AGAP1: variants seen among roughly 807,000 people sequenced by gnomAD.
AGAP1 encodes arf-GAP with GTPase, ANK repeat and PH domain-containing protein 1.
AGAP1 carries 29 observed loss-of-function variants against 105.3 expected under a neutral mutation model. The observed-to-expected ratio is 0.28, with a 90% CI of 0.21 to 0.38. The LOEUF (loss-of-function observed/expected upper bound fraction) is 0.38. Ranked by LOEUF, AGAP1 falls within the 10% of genes least tolerant of loss-of-function variation. The pLI, the probability that AGAP1 is intolerant of heterozygous loss-of-function variation, is 1.00. For synonymous variants in AGAP1, 509 were observed against 485.9 expected, an observed-to-expected ratio of 1.05 and a Z score of -0.63; for missense variants, 998 against 1,165.1, an observed-to-expected ratio of 0.86 and a Z score of 2.09.
chr2:235,791,826 T>C (rs925966164), intron 6 of AGAP1, among the ~76,000 whole-genome samples: 1 of 152,184 alleles, frequency 6.6e-6, no homozygotes, highest in African/African-American at 2.4e-5. Flanking sequence ...GGATTACAGG[T>C]GTGAGCCAGC....
At chr2:235,815,179 C>G (rs1958381604) in intron 9 of AGAP1, among the ~76,000 whole-genome samples, 1 of 152,190 alleles carries the variant, frequency 6.6e-6, no homozygotes, top group Non-Finnish European at 1.5e-5. Flanking sequence ...CCACACAGCG[C>G]ATGAGTCCCC....
chr2:235,952,183 A>G (rs2053765739), intron 12 of AGAP1, among the ~76,000 whole-genome samples: 1 of 152,096 alleles, frequency 6.6e-6, no homozygotes, highest in Non-Finnish European at 1.5e-5. Context: ...ATGGGCTGAT[A>G]ATATCTAGTT....
At chr2:235,645,966 T>G (rs1289207460) in intron 1 of AGAP1, among the ~76,000 whole-genome samples, 1 of 152,148 alleles carries the variant, frequency 6.6e-6, no homozygotes, top group East Asian at 1.9e-4. Context: ...TCTATCAAGC[T>G]TCTTGGTTGA....
At chr2:235,644,896 CT>C (rs74548435) in intron 1 of AGAP1, among the ~76,000 whole-genome samples, 403 of 143,406 alleles carry the variant, frequency 2.8e-3, no homozygotes, top group Middle Eastern at 3.5e-3. Context: ...AGGTGTAAGA[CT>C]TTTTTTTTTT....
At position 235,582,035 on chromosome 2, in the gene AGAP1, G is replaced by C. The variant is rs949653519; in HGVS notation, c.163+87186G>C. Among the ~76,000 whole-genome samples, 1 of 152,134 alleles carries C rather than the reference G, an allele frequency of 6.6e-6. No homozygotes were observed. Among genetic ancestry groups the C allele is most frequent in the Non-Finnish European group, 1.5e-5 (1 of 68,034 alleles). On this transcript the variant is annotated intron_variant, in intron 1 of 17. Transcript: ENST00000304032. The surrounding 1 kb of genome is among the most constrained non-coding windows in gnomAD (Gnocchi z 4.7). ...TTCAGCAACCCAACATATTAACGCA[G>C]TCTTTAGGAGACATGAAATGTTCCT...
intron 11 of AGAP1, among the ~76,000 whole-genome samples, chr2:235,909,480 GCCCAGTTGCAAGCCATC>G (rs2125044903): frequency 6.6e-6 from 1 of 152,122 alleles, no homozygotes; most frequent in East Asian, 1.9e-4. Flanking sequence ...TGGCCTCTGT[GCCCAGTTGCAAGCCATC>G]CAAAATGACA....
chr2:236,018,099 A>C (rs1219018682), intron 13 of AGAP1, among the ~76,000 whole-genome samples: 1 of 152,236 alleles, frequency 6.6e-6, no homozygotes, highest in Non-Finnish European at 1.5e-5. Flanking sequence ...GAAACTTTGG[A>C]TATATATGAT....
rs536763303 is a variant in AGAP1 at position 235,810,242 on chromosome 2, A to G, written c.1050+2911A>G. ...CCTGCTCAGCCATTCTCCGGGTGGGAGGCGTCATTCCATTCCCATCCTTAC... is the reference window on the plus strand; with the variant it reads ...CCTGCTCAGCCATTCTCCGGGTGGGGGGCGTCATTCCATTCCCATCCTTAC... On this transcript the variant is annotated intron_variant, in intron 9 of 17. Transcript: ENST00000304032. Among the ~76,000 whole-genome samples the G allele has an allele frequency of 6.6e-4, 101 of 152,282 alleles. 2 individuals carry two copies. The South Asian group carries it at 0.02, about 31-fold the overall frequency.
At position 235,788,786 on chromosome 2, in the gene AGAP1, G is replaced by A. The variant is rs548917925; in HGVS notation, c.674-8973G>A. 2.6e-5 allele frequency among the ~76,000 whole-genome samples: 4 copies of A among 152,300 alleles called. No homozygotes were observed. Among genetic ancestry groups the A allele is most frequent in the East Asian group, 3.9e-4 (2 of 5,182 alleles). On this transcript the variant is annotated intron_variant, in intron 6 of 17. Transcript: ENST00000304032. The surrounding 1 kb of genome is among the most constrained non-coding windows in gnomAD (Gnocchi z 6.0). Reference sequence around the variant, plus strand: ...GAAGCAGAATGGAGCCCTCAGAAGCGCGCATTCAGACCGGCAGTAGACAAA... The same window carrying A: ...GAAGCAGAATGGAGCCCTCAGAAGCACGCATTCAGACCGGCAGTAGACAAA...
chr2:236,108,828 G>A lies in AGAP1; in HGVS notation c.2115-11364G>A, dbSNP rs190743339. 2.6e-4 allele frequency among the ~76,000 whole-genome samples: 40 copies of A among 152,146 alleles called. No individual in the cohort carries two copies. The East Asian group carries it at 5.0e-3, about 19-fold the overall frequency. ...CAGCGGCCCCTGTGAGGACTGAGGTGGACGTCTGGCTGCCCGCTCTCTTGT... is the reference window on the plus strand; with the variant it reads ...CAGCGGCCCCTGTGAGGACTGAGGTAGACGTCTGGCTGCCCGCTCTCTTGT... On this transcript the variant is annotated intron_variant, in intron 16 of 17. Coordinates refer to ENST00000304032, the MANE Select transcript of AGAP1 (RefSeq NM_001037131.3).
At chr2:235,840,631 A>G (rs12692180) in intron 9 of AGAP1, among the ~76,000 whole-genome samples, 81,507 of 151,982 alleles carry the variant, frequency 0.54, 22,600 homozygotes, top group East Asian at 0.82. Flanking sequence ...GCATTCCCAG[A>G]GAGAGCCTGG....
In AGAP1 at chr2:235,934,433, AT is replaced by A. The variant is rs1050652290; in HGVS notation, c.1483+3512del. Among the ~76,000 whole-genome samples the A allele has an allele frequency of 6.6e-6, 1 of 152,284 alleles. No individual in the cohort carries two copies. Among genetic ancestry groups the A allele is most frequent in the African/African-American group, 2.4e-5 (1 of 41,562 alleles). ...TCCCGGCGTCCCTCTGGTTCGCGTCATTCCCCCCTTTAGTGTGCTGCTTCGT... is the reference window on the plus strand; with the variant it reads ...TCCCGGCGTCCCTCTGGTTCGCGTCATCCCCCCTTTAGTGTGCTGCTTCGT... On this transcript the variant is annotated intron_variant, in intron 12 of 17. Transcript: ENST00000304032. The surrounding 1 kb of genome is among the most constrained non-coding windows in gnomAD (Gnocchi z 4.9).
At position 235,874,119 on chromosome 2, in the gene AGAP1, G is replaced by T. The variant is rs761657644; in HGVS notation, c.1051-9226G>T. 5.9e-5 allele frequency among the ~76,000 whole-genome samples: 9 copies of T among 151,976 alleles called. No homozygotes were observed. Among genetic ancestry groups the T allele is most frequent in the African/African-American group, 9.7e-5 (4 of 41,358 alleles). On this transcript the variant is annotated intron_variant, in intron 9 of 17. Coordinates refer to ENST00000304032, the MANE Select transcript of AGAP1 (RefSeq NM_001037131.3). The surrounding 1 kb of genome is among the most constrained non-coding windows in gnomAD (Gnocchi z 4.5). ...TGTCGCCAGGCTGGAGTGCAGTGGC[G>T]TGATCTCAGCTCACTGCAACCTCTC... is the stretch of plus-strand genomic sequence containing the variant.
chr2:235,814,460 T>C (rs1455534699), intron 9 of AGAP1, among the ~76,000 whole-genome samples: 4 of 152,234 alleles, frequency 2.6e-5, no homozygotes, highest in Admixed American at 1.3e-4. Flanking sequence ...AAGATACTTA[T>C]TTCTGGAATT....
At chr2:235,849,228 G>A (rs1961866774) in intron 9 of AGAP1, among the ~76,000 whole-genome samples, 1 of 152,192 alleles carries the variant, frequency 6.6e-6, no homozygotes, top group Non-Finnish European at 1.5e-5. Flanking sequence ...CCGCCATCAA[G>A]TTTTCTCAGA....
chr2:235,807,817 G>C (rs1272024470), intron 9 of AGAP1, among the ~76,000 whole-genome samples: 1 of 152,150 alleles, frequency 6.6e-6, no homozygotes, highest in Non-Finnish European at 1.5e-5. Flanking sequence ...GTGCGCTCTT[G>C]TTTGTAATTT....
At chr2:235,779,765 A>G (rs1285787149) in intron 6 of AGAP1, among the ~76,000 whole-genome samples, 1 of 152,212 alleles carries the variant, frequency 6.6e-6, no homozygotes, top group Non-Finnish European at 1.5e-5. Context: ...TGAAAGATAC[A>G]ATGAATTAAA....
chr2:235,565,441 T>G (rs932806264), intron 1 of AGAP1, among the ~76,000 whole-genome samples: 3 of 152,242 alleles, frequency 2.0e-5, no homozygotes, highest in African/African-American at 7.2e-5. Context: ...TCATCTGCAT[T>G]GTTGCCTGTG....
In AGAP1 at chr2:235,633,780, G is replaced by T. The variant is rs552126255; in HGVS notation, c.164-75399G>T. ...CCTAAAAAGATGGGGGAAGGTTACAGTAATATTTTTAGGCTTATGGCTAGC... is the reference window on the plus strand; with the variant it reads ...CCTAAAAAGATGGGGGAAGGTTACATTAATATTTTTAGGCTTATGGCTAGC... On this transcript the variant is annotated intron_variant, in intron 1 of 17. Coordinates refer to ENST00000304032, the MANE Select transcript of AGAP1 (RefSeq NM_001037131.3). The surrounding 1 kb of genome is among the most constrained non-coding windows in gnomAD (Gnocchi z 4.8). Among the ~76,000 whole-genome samples the T allele has an allele frequency of 6.6e-4, 100 of 152,298 alleles. No homozygotes were observed. Among genetic ancestry groups the T allele is most frequent in the Non-Finnish European group, 1.2e-3 (79 of 68,028 alleles).
Sources: gnomAD v4.1 joint callset for allele counts (sites outside exome capture counted in the v4.1 genomes callset) on GRCh38, gnomAD v4.1.1 for gene constraint, Gnocchi (gnomAD v3.1) non-coding constraint, MANE v1.5 for transcripts, NCBI Gene and HGNC (gene_info 2026-07-23, HGNC 2026-07-21) for gene names.